NCKAP5: variants seen among roughly 807,000 people sequenced by gnomAD.
The protein encoded by NCKAP5 is nck-associated protein 5.
NCKAP5 carries 92 observed loss-of-function variants against 167.0 expected under a neutral mutation model. The observed-to-expected ratio is 0.55, with a 90% CI of 0.47 to 0.66. The LOEUF (loss-of-function observed/expected upper bound fraction) is 0.66. Among genes scored for constraint, NCKAP5 ranks in the 30% least tolerant of loss-of-function variants. The pLI, the probability that NCKAP5 is intolerant of heterozygous loss-of-function variation, is 0.00. For missense variants in NCKAP5, 2,378 were observed against 2,315.0 expected (o/e 1.03, Z -0.56); for synonymous variants, 891 against 877.4 (o/e 1.02, Z -0.27).
At chr2:133,570,931 T>C (rs888489406), upstream of NCKAP5, among the ~76,000 whole-genome samples, 1 of 152,298 alleles carries the variant, frequency 6.6e-6, no homozygotes, top group African/African-American at 2.4e-5. Flanking sequence ...CCTGCCTACC[T>C]GCTATACTGC....
chr2:133,622,654 T>C, the NCKAP5 span, among the ~76,000 whole-genome samples: 1 of 152,040 alleles, frequency 6.6e-6, no homozygotes, highest in Non-Finnish European at 1.5e-5. Context: ...AAAGAAATCA[T>C]AGATGACACA....
intron 4 of NCKAP5, among the ~76,000 whole-genome samples, chr2:133,289,724 A>AC (rs199578081): frequency 4.0e-5 from 4 of 98,860 alleles, no homozygotes; most frequent in East Asian, 2.8e-4. Flanking sequence ...CAAACAAACA[A>AC]ACAAAAAAAA....
In NCKAP5 at chr2:132,785,791, C is replaced by A. The variant is rs1683518013; in HGVS notation, c.1093-73G>T. The A allele has an allele frequency of 3.2e-6, 4 of 1,240,988 alleles. No individual in the cohort carries two copies. In the East Asian group the frequency reaches 1.1e-4, roughly 35 times the overall value. The allele number at this position is 1,240,988 out of a possible 1,614,324, so 76.9% of individuals were successfully genotyped here. A position where few individuals can be genotyped will look rare whatever the true frequency, so the allele number is the denominator to read the frequency against. ...CAAAGATATAAAAGGAAAAGTACAT[C>A]ATGGGACTTAATTTGTGCTAGTGGT... On this transcript the variant is annotated intron_variant, in intron 13 of 19. Transcript: ENST00000409261.
chr2:132,762,679 T>A (rs1256328883), intron 16 of NCKAP5, among the ~76,000 whole-genome samples: 1 of 152,240 alleles, frequency 6.6e-6, no homozygotes, highest in Non-Finnish European at 1.5e-5. Context: ...CTGTAGCACA[T>A]TACTCTTCTC....
chr2:133,288,725 A>C (rs1344728), intron 4 of NCKAP5, among the ~76,000 whole-genome samples: 441 of 152,078 alleles, frequency 2.9e-3, no homozygotes, highest in South Asian at 3.9e-3. Context: ...TCATTACCTC[A>C]GGAAGGTTTG....
rs184281577 is a variant in NCKAP5 at position 132,844,980 on chromosome 2, T to G, written c.807+15512A>C. Reference sequence around the variant, plus strand: ...AAAATGTATTATAAAGTCTTATATATTATCATCACACTTTTATTTATGCCA... The same window carrying G: ...AAAATGTATTATAAAGTCTTATATAGTATCATCACACTTTTATTTATGCCA... On this transcript the variant is annotated intron_variant, in intron 11 of 19. Transcript: ENST00000409261. Among the ~76,000 whole-genome samples, 51 of 152,278 alleles carry G rather than the reference T, an allele frequency of 3.3e-4. No individual in the cohort carries two copies. The East Asian group carries it at 9.5e-3, about 28-fold the overall frequency.
chr2:133,519,970 G>A (rs1310943807), intron 2 of NCKAP5, among the ~76,000 whole-genome samples: 4 of 151,946 alleles, frequency 2.6e-5, no homozygotes, highest in South Asian at 2.1e-4. Context: ...GGCGGATCAC[G>A]AAGTCAAAAG....
intron 8 of NCKAP5, among the ~76,000 whole-genome samples, chr2:132,907,601 C>G (rs1694099295): frequency 8.5e-6 from 1 of 118,284 alleles, no homozygotes; most frequent in Admixed American, 1.0e-4. Context: ...AAGGCTCTTA[C>G]CACTCAAAGA....
intron 4 of NCKAP5, among the ~76,000 whole-genome samples, chr2:133,235,922 C>CAA: frequency 6.9e-6 from 1 of 145,624 alleles, no homozygotes; most frequent in Non-Finnish European, 1.5e-5. Flanking sequence ...AAAAAAAATG[C>CAA]AAAAAAATGG....
chr2:133,608,976 A>T, the NCKAP5 span, among the ~76,000 whole-genome samples: 1 of 152,184 alleles, frequency 6.6e-6, no homozygotes, highest in East Asian at 1.9e-4. Context: ...TCAAGTCTTG[A>T]TCTTTGCACA....
At chr2:133,490,952 T>C (rs953561086) in intron 3 of NCKAP5, among the ~76,000 whole-genome samples, 4 of 152,214 alleles carry the variant, frequency 2.6e-5, no homozygotes, top group African/African-American at 9.6e-5. Context: ...AGATCTAAAG[T>C]AGGTAAGCCT....
chr2:132,847,786 T>A (rs1688776294), intron 11 of NCKAP5, among the ~76,000 whole-genome samples: 1 of 152,180 alleles, frequency 6.6e-6, no homozygotes, highest in Non-Finnish European at 1.5e-5. Flanking sequence ...ATGAGCCAGA[T>A]ACAAAAGAGT....
chr2:132,812,288 G>A (rs574314823), intron 11 of NCKAP5, among the ~76,000 whole-genome samples: 36 of 152,162 alleles, frequency 2.4e-4, no homozygotes, highest in Non-Finnish European at 4.6e-4. Flanking sequence ...CCGGTCCTCC[G>A]TGATGAAGGT....
Position 132,785,687 on chromosome 2 carries a change from C to A in NCKAP5, c.1124G>T (p.Ser375Ile), listed in dbSNP as rs143461901. The change falls in exon 14 of 20, where the codon AGT becomes ATT. Residue 375 changes from serine (S) to isoleucine (I), a missense_variant. Transcript: ENST00000409261. Reference protein sequence around the residue: ...QSSQNWDKRLSIDSSLPSGFA... With the variant: ...QSSQNWDKRLIIDSSLPSGFA... Reference sequence around the variant, plus strand: ...GCCACTTGGGAGCGAAGAATCAATACTTAGCCTTTTATCCCAGTTTTGTGA... The same window carrying A: ...GCCACTTGGGAGCGAAGAATCAATAATTAGCCTTTTATCCCAGTTTTGTGA... 1 of 1,502,654 alleles carries A rather than the reference C, an allele frequency of 6.7e-7. No homozygotes were observed. The allele number at this position is 1,502,654 out of a possible 1,614,324, so 93.1% of individuals were successfully genotyped here.
chr2:133,586,690 G>A, the NCKAP5 span, among the ~76,000 whole-genome samples: 13 of 151,536 alleles, frequency 8.6e-5, no homozygotes, highest in African/African-American at 2.7e-4. Context: ...TGGTTGCTAT[G>A]TTGACACAAG....
intron 3 of NCKAP5, among the ~76,000 whole-genome samples, chr2:133,478,439 TGGG>T (rs1216979291): frequency 6.6e-6 from 1 of 152,140 alleles, no homozygotes; most frequent in Non-Finnish European, 1.5e-5. Flanking sequence ...TTACTAGCAC[TGGG>T]ATCTTGAACC....
chr2:133,199,111 A>G (rs896098765), intron 5 of NCKAP5, among the ~76,000 whole-genome samples: 2 of 152,060 alleles, frequency 1.3e-5, no homozygotes, highest in Non-Finnish European at 2.9e-5. Flanking sequence ...TTAAGTCCCA[A>G]CAGATCATGG....
intron 5 of NCKAP5, among the ~76,000 whole-genome samples, chr2:133,162,149 C>T (rs2149944925): frequency 6.6e-6 from 1 of 152,294 alleles, no homozygotes; most frequent in African/African-American, 2.4e-5. Context: ...TCACACCATA[C>T]CACCAGCCTT....
chr2:133,413,288 A>T (rs1688890193), intron 3 of NCKAP5, among the ~76,000 whole-genome samples: 1 of 152,250 alleles, frequency 6.6e-6, no homozygotes, highest in South Asian at 2.1e-4. Context: ...TGGCTTCTTT[A>T]GCTTCAGCTG....
Sources: gnomAD v4.1 joint callset for allele counts (sites outside exome capture counted in the v4.1 genomes callset) on GRCh38, gnomAD v4.1.1 for gene constraint, MANE v1.5 for transcripts, NCBI Gene and HGNC (gene_info 2026-07-23, HGNC 2026-07-21) for gene names.